IFT43: variants seen among roughly 807,000 people sequenced by gnomAD.
IFT43 encodes intraflagellar transport protein 43 homolog.
In IFT43, 33 loss-of-function variants were observed where a neutral mutation model predicts 32.3. That is an observed-to-expected ratio of 1.02 (90% confidence interval 0.77 to 1.37). IFT43 has a LOEUF of 1.37. IFT43 is among the 40% of genes most tolerant of loss of function. The pLI is 0.00. For synonymous variants in IFT43, 93 were observed against 98.2 expected (o/e 0.95, Z 0.31); for missense variants, 274 against 265.9 (o/e 1.03, Z -0.21).
At chr14:76,035,968 C>G (rs2036590654) in intron 3 of IFT43, among the ~76,000 whole-genome samples, 1 of 152,192 alleles carries the variant, frequency 6.6e-6, no homozygotes, top group African/African-American at 2.4e-5. Flanking sequence ...TAAGGGCACA[C>G]AGTTATTTAG....
intron 3 of IFT43, among the ~76,000 whole-genome samples, chr14:76,025,596 TA>T (rs1462791965): frequency 6.6e-6 from 1 of 152,030 alleles, no homozygotes; most frequent in Non-Finnish European, 1.5e-5. Context: ...ATGGTACTGG[TA>T]CAAAAAGAGA....
chr14:75,995,487 C>A (rs1184432391), intron 2 of IFT43, among the ~76,000 whole-genome samples: 1 of 152,156 alleles, frequency 6.6e-6, no homozygotes. Flanking sequence ...TAGCCAGATT[C>A]CCTCGCAGGA....
chr14:76,043,088 C>T (rs2036737236), intron 3 of IFT43, among the ~76,000 whole-genome samples: 1 of 152,188 alleles, frequency 6.6e-6, no homozygotes, highest in Admixed American at 6.5e-5. Flanking sequence ...TGCCCTTGGC[C>T]TCTGTCTCTT....
intron 3 of IFT43, among the ~76,000 whole-genome samples, chr14:76,043,287 A>G (rs1297434109): frequency 6.6e-6 from 1 of 152,252 alleles, no homozygotes; most frequent in Non-Finnish European, 1.5e-5. Context: ...AGAGGCATGA[A>G]TGAACCACCA....
chr14:76,063,310 G>T (rs1177122440), intron 5 of IFT43, among the ~76,000 whole-genome samples: 1 of 152,176 alleles, frequency 6.6e-6, no homozygotes, highest in Non-Finnish European at 1.5e-5. Context: ...GCTCAAGTCT[G>T]CCCAGGCTTG....
chr14:76,057,553 CAAA>C (rs66748105), intron 3 of IFT43, among the ~76,000 whole-genome samples: 2 of 146,280 alleles, frequency 1.4e-5, no homozygotes, highest in African/African-American at 2.5e-5. Context: ...TTTTAATTGA[CAAA>C]AAAAAAAAAA....
chr14:76,008,357 A>G (rs1312924556), intron 2 of IFT43, among the ~76,000 whole-genome samples: 1 of 152,134 alleles, frequency 6.6e-6, no homozygotes, highest in African/African-American at 2.4e-5. Flanking sequence ...TGAAGTCTGC[A>G]TTTTATTACT....
intron 3 of IFT43, among the ~76,000 whole-genome samples, chr14:76,043,090 C>T (rs528069465): frequency 1.3e-5 from 2 of 152,330 alleles, no homozygotes; most frequent in African/African-American, 4.8e-5. Flanking sequence ...CCCTTGGCCT[C>T]TGTCTCTTCA....
intron 2 of IFT43, among the ~76,000 whole-genome samples, chr14:75,995,123 A>G (rs1220887079): frequency 1.3e-5 from 2 of 152,212 alleles, no homozygotes; most frequent in Non-Finnish European, 2.9e-5. Flanking sequence ...CTCTTGAAGT[A>G]GGTACTCTTA....
intron 3 of IFT43, among the ~76,000 whole-genome samples, chr14:76,029,747 A>C (rs1421072820): frequency 6.6e-6 from 1 of 151,166 alleles, no homozygotes; most frequent in Non-Finnish European, 1.5e-5. Context: ...ATTTTTGTTG[A>C]CTTTGCCACA....
intron 2 of IFT43, among the ~76,000 whole-genome samples, chr14:76,020,123 C>T (rs556270721): frequency 1.5e-4 from 23 of 152,096 alleles, no homozygotes; most frequent in South Asian, 4.2e-4. Flanking sequence ...TACAGGCATG[C>T]GCCACCACGC....
intron 3 of IFT43, among the ~76,000 whole-genome samples, chr14:76,045,178 C>A (rs1242161598): frequency 6.6e-6 from 1 of 152,194 alleles, no homozygotes; most frequent in Non-Finnish European, 1.5e-5. Context: ...CATCCTCCTT[C>A]TTTATAGCAA....
At chr14:76,067,364 G>A (rs2037242332) in intron 5 of IFT43, among the ~76,000 whole-genome samples, 1 of 152,106 alleles carries the variant, frequency 6.6e-6, no homozygotes, top group Non-Finnish European at 1.5e-5. Flanking sequence ...TCAGGAGTTT[G>A]AGACCAACCT....
intron 5 of IFT43, among the ~76,000 whole-genome samples, chr14:76,069,410 A>AGAGAG (rs2037281229): frequency 6.6e-6 from 1 of 152,166 alleles, no homozygotes; most frequent in South Asian, 2.1e-4. Context: ...GGAGACTCCT[A>AGAGAG]GAGAGGAGAG....
chr14:76,026,983 A>G (rs1216996117), intron 3 of IFT43, among the ~76,000 whole-genome samples: 1 of 152,252 alleles, frequency 6.6e-6, no homozygotes, highest in East Asian at 1.9e-4. Context: ...ATGTAGGAAC[A>G]GAAAACCAAA....
rs760748118 is a variant in IFT43 at position 76,022,370 on chromosome 14, C to A, written c.191C>A (p.Ala64Glu). ...KLPRCRQGGW[A>E]GDSVKASKFR... ...CCTCGCTGCCGACAGGGAGGCTGGG[C>A]AGGTGATTCCGTGAAGGCTTCGAAG... The change falls in exon 3 of 9, where the codon GCA becomes GAA. Residue 64 changes from alanine (A) to glutamate (E), a missense_variant. Ala to Glu is a moderately radical substitution (Grantham distance 107). Transcript: ENST00000314067. The A allele has an allele frequency of 2.5e-6, 4 of 1,611,742 alleles. No individual in the cohort carries two copies. Among genetic ancestry groups the A allele is most frequent in the Non-Finnish European group, 3.4e-6 (4 of 1,178,088 alleles).
chr14:75,999,276 TATATA>T lies in IFT43; in HGVS notation c.147+10300_147+10304del, dbSNP rs1566699756. Among the ~76,000 whole-genome samples, 39 of 24,488 alleles carry T rather than the reference TATATA, an allele frequency of 1.6e-3. 1 individual carries two copies. The highest frequency in any genetic ancestry group is 1.9e-3 in the African/African-American group (13 of 6,984). 16.1% of individuals were successfully genotyped at this position (24,488 alleles called of 152,430 possible). A position where few individuals can be genotyped will look rare whatever the true frequency, so the allele number is the denominator to read the frequency against. ...ATATATATATATATATATATATGTA[TATATA>T]TTTTTTTTTTTTTTTTTTTAATTTT... On this transcript the variant is annotated intron_variant, in intron 2 of 8. Coordinates refer to ENST00000314067, the MANE Select transcript of IFT43 (RefSeq NM_001102564.3).
At chr14:76,006,202 T>C (rs962812956) in intron 2 of IFT43, among the ~76,000 whole-genome samples, 7 of 152,224 alleles carry the variant, frequency 4.6e-5, no homozygotes, top group Non-Finnish European at 1.0e-4. Flanking sequence ...TCCATGTGGA[T>C]GCTGTGCTGA....
chr14:76,043,149 G>A (rs2036738182), intron 3 of IFT43, among the ~76,000 whole-genome samples: 1 of 152,230 alleles, frequency 6.6e-6, no homozygotes, highest in Non-Finnish European at 1.5e-5. Flanking sequence ...CCAAAAGGAT[G>A]TGTGAACATC....
Sources: gnomAD v4.1 joint callset for allele counts (sites outside exome capture counted in the v4.1 genomes callset) on GRCh38, gnomAD v4.1.1 for gene constraint, MANE v1.5 for transcripts, NCBI Gene and HGNC (gene_info 2026-07-23, HGNC 2026-07-21) for gene names.